Variants in KDM4C observed in about 807,000 individuals in gnomAD.
The protein encoded by KDM4C is lysine demethylase 4C.
A neutral mutation model predicts 129.3 loss-of-function variants in KDM4C; 81 were observed. The ratio of observed to expected loss-of-function variants is 0.63; its 90% confidence interval spans 0.52 to 0.75. KDM4C has a LOEUF of 0.75. KDM4C is among the 30% of genes least tolerant of loss of function. The pLI, the probability that KDM4C is intolerant of heterozygous loss-of-function variation, is 0.00. For missense variants in KDM4C, 1,457 were observed against 1,304.0 expected, an observed-to-expected ratio of 1.12 and a Z score of -1.81; for synonymous variants, 573 against 456.1, an observed-to-expected ratio of 1.26 and a Z score of -3.26.
At chr9:6,957,215 T>A (rs1416798483) in intron 8 of KDM4C, among the ~76,000 whole-genome samples, 1 of 152,250 alleles carries the variant, frequency 6.6e-6, no homozygotes, top group Non-Finnish European at 1.5e-5. Flanking sequence ...ACACAGCTGC[T>A]TAGGAAGATT....
chr9:6,950,068 T>C (rs1278075187), intron 8 of KDM4C, among the ~76,000 whole-genome samples: 1 of 108,690 alleles, frequency 9.2e-6, no homozygotes, highest in African/African-American at 3.7e-5. Flanking sequence ...TGGTGGAGTA[T>C]CTTTTCTTGT....
chr9:6,847,706 G>C (rs1838106223), intron 4 of KDM4C, among the ~76,000 whole-genome samples: 1 of 152,052 alleles, frequency 6.6e-6, no homozygotes, highest in African/African-American at 2.4e-5. Context: ...TCTCTAAACG[G>C]ATACTTTGAC....
At chr9:6,833,217 A>G (rs1241457353) in intron 4 of KDM4C, among the ~76,000 whole-genome samples, 2 of 152,182 alleles carry the variant, frequency 1.3e-5, no homozygotes, top group African/African-American at 4.8e-5. Context: ...GATATGTAAA[A>G]TAAAATTAAT....
At chr9:6,985,033 A>T (rs1817444322) in intron 10 of KDM4C, among the ~76,000 whole-genome samples, 1 of 152,040 alleles carries the variant, frequency 6.6e-6, no homozygotes. Flanking sequence ...CATACTTCTC[A>T]TCCTGTAAAT....
At chr9:6,834,975 C>G in intron 4 of KDM4C, 2 of 990,464 alleles carry the variant, frequency 2.0e-6, no homozygotes, top group South Asian at 1.3e-5. Flanking sequence ...CTCCCCCACA[C>G]CATCCTGCAT....
Position 6,839,396 on chromosome 9 carries a change from GTT to G in KDM4C, c.436-10091_436-10090del, listed in dbSNP as rs36061484. 5.3e-4 allele frequency among the ~76,000 whole-genome samples: 58 copies of G among 109,888 alleles called. 1 individual carries two copies. In the South Asian group the frequency reaches 8.2e-3, roughly 16 times the overall value. 72.1% of individuals were successfully genotyped at this position (109,888 alleles called of 152,430 possible). On this transcript the variant is annotated intron_variant, in intron 4 of 21. Transcript: ENST00000381309. ...AGGCGCTTGCCACCACACCTGGCCAGTTTTTTTTTTTTTTTTTTTTTCTGGTA... is the reference window on the plus strand; with the variant it reads ...AGGCGCTTGCCACCACACCTGGCCAGTTTTTTTTTTTTTTTTTTTCTGGTA...
intron 15 of KDM4C, among the ~76,000 whole-genome samples, chr9:7,034,380 C>T (rs1827284810): frequency 6.6e-6 from 1 of 152,180 alleles, no homozygotes; most frequent in African/African-American, 2.4e-5. Context: ...CCTTCTCAGC[C>T]TCTAGTATCG....
chr9:7,070,548 G>C (rs916560819), intron 17 of KDM4C, among the ~76,000 whole-genome samples: 1 of 151,948 alleles, frequency 6.6e-6, no homozygotes, highest in Non-Finnish European at 1.5e-5. Context: ...AGAACATAAG[G>C]CTTATTTAAC....
In KDM4C at chr9:6,849,531, C is replaced by G. The variant is rs777848000; in HGVS notation, c.460C>G (p.Arg154Gly). Residue 154 changes from arginine to glycine, a missense_variant, in exon 5 of 22, where the codon CGC (arginine) becomes GGC (glycine). Arg to Gly is a moderately radical substitution (Grantham distance 125). Coordinates refer to ENST00000381309, the MANE Select transcript of KDM4C (RefSeq NM_015061.6). ...DEGVDEWNIA[R>G]LNTVLDVVEE... Reference sequence around the variant, plus strand: ...GGGTGTGGATGAATGGAACATAGCTCGCCTCAATACAGTCTTGGATGTGGT... The same window carrying G: ...GGGTGTGGATGAATGGAACATAGCTGGCCTCAATACAGTCTTGGATGTGGT... 2 of 1,594,874 alleles carry G rather than the reference C, an allele frequency of 1.3e-6. No individual in the cohort carries two copies. The highest frequency in any genetic ancestry group is 8.6e-7 in the Non-Finnish European group (1 of 1,166,584).
At chr9:7,048,440 G>A (rs1162654586) in intron 16 of KDM4C, among the ~76,000 whole-genome samples, 1 of 151,930 alleles carries the variant, frequency 6.6e-6, no homozygotes, top group Non-Finnish European at 1.5e-5. Flanking sequence ...TTTATTTTGG[G>A]ATATAACATT....
chr9:7,012,172 T>A (rs1177294770), intron 13 of KDM4C, among the ~76,000 whole-genome samples: 2 of 152,174 alleles, frequency 1.3e-5, no homozygotes, highest in Non-Finnish European at 2.9e-5. Flanking sequence ...GCTCAGGCGA[T>A]CCCTCTGCCT....
chr9:6,760,614 A>G (rs1451312008), intron 1 of KDM4C, among the ~76,000 whole-genome samples: 1 of 151,714 alleles, frequency 6.6e-6, no homozygotes, highest in Non-Finnish European at 1.5e-5. Flanking sequence ...TCTGTTGCCC[A>G]GGCTGGAGTG....
At chr9:6,987,318 A>G (rs1308249145) in intron 11 of KDM4C, among the ~76,000 whole-genome samples, 1 of 152,150 alleles carries the variant, frequency 6.6e-6, no homozygotes, top group Non-Finnish European at 1.5e-5. Context: ...AGACTCCTCT[A>G]TATTATTTAG....
At chr9:7,117,628 C>CAT (rs1238902673) in intron 18 of KDM4C, among the ~76,000 whole-genome samples, 1 of 7,456 alleles carries the variant, frequency 1.3e-4, no homozygotes, top group Non-Finnish European at 2.4e-4. Flanking sequence ...TTAATTTCTA[C>CAT]ACACACACAC....
At chr9:7,087,539 A>T (rs191470475) in intron 17 of KDM4C, among the ~76,000 whole-genome samples, 98 of 152,258 alleles carry the variant, frequency 6.4e-4, no homozygotes, top group African/African-American at 1.7e-3. Context: ...GAAATTTTTT[A>T]AAAAAATTAA....
chr9:7,039,648 T>C (rs1431635638), intron 15 of KDM4C, among the ~76,000 whole-genome samples: 2 of 152,114 alleles, frequency 1.3e-5, no homozygotes, highest in African/African-American at 4.8e-5. Context: ...TTATATGTTA[T>C]ATTTATTATA....
At chr9:6,797,197 G>C in intron 2 of KDM4C, among the ~76,000 whole-genome samples, 1 of 151,958 alleles carries the variant, frequency 6.6e-6, no homozygotes, top group East Asian at 1.9e-4. Context: ...GTGTTACCCA[G>C]AGTGGTCTTG....
intron 8 of KDM4C, among the ~76,000 whole-genome samples, chr9:6,972,427 AG>A (rs1832158393): frequency 1.3e-5 from 2 of 152,202 alleles, no homozygotes; most frequent in South Asian, 4.1e-4. Context: ...AAGGAGTATT[AG>A]AAAATTTTTT....
At chr9:6,951,101 A>G (rs1171573353) in intron 8 of KDM4C, among the ~76,000 whole-genome samples, 3 of 152,176 alleles carry the variant, frequency 2.0e-5, no homozygotes, top group Admixed American at 6.5e-5. Flanking sequence ...ATGTTTTAAT[A>G]CATACAATTT....
Sources: allele counts gnomAD v4.1 joint callset (sites outside exome capture counted in the v4.1 genomes callset), GRCh38; gene constraint gnomAD v4.1.1; transcripts MANE v1.5; gene names NCBI Gene and HGNC (gene_info 2026-07-23, HGNC 2026-07-21).